GPR39: variants seen among roughly 807,000 people sequenced by gnomAD.
GPR39 encodes G protein-coupled receptor 39.
GPR39 carries 23 observed loss-of-function variants against 18.4 expected under a neutral mutation model. The ratio of observed to expected loss-of-function variants is 1.25; its 90% CI spans 0.90 to 1.77. The LOEUF (loss-of-function observed/expected upper bound fraction) is 1.77, where lower values mean the gene tolerates loss of function less well. Ranked by LOEUF, GPR39 falls within the 40% of genes most tolerant of loss-of-function variation. The pLI is 0.00. For synonymous variants in GPR39, 280 were observed against 257.9 expected (o/e 1.09, Z -0.82); for missense variants, 647 against 602.4 (o/e 1.07, Z -0.78).
intron 1 of GPR39, among the ~76,000 whole-genome samples, chr2:132,513,581 T>C (rs1375687806): frequency 6.6e-6 from 1 of 152,224 alleles, no homozygotes; most frequent in Admixed American, 6.5e-5. Context: ...CACTGACAAA[T>C]GCAAAAGCGC....
chr2:132,593,432 C>T (rs1680880780), intron 1 of GPR39, among the ~76,000 whole-genome samples: 1 of 152,128 alleles, frequency 6.6e-6, no homozygotes, highest in African/African-American at 2.4e-5. Context: ...TGAGTCACTT[C>T]ATTGGCATAC....
chr2:132,448,454 T>C (rs1195861871), intron 1 of GPR39, among the ~76,000 whole-genome samples: 1 of 152,210 alleles, frequency 6.6e-6, no homozygotes, highest in Non-Finnish European at 1.5e-5. Context: ...TCCATGGAAA[T>C]GTGTTTCATG....
At position 132,417,106 on chromosome 2, in the gene GPR39, G is replaced by A. The variant is rs530449039; in HGVS notation, c.64G>A (p.Glu22Lys). ...SQIIDHSHVPEFEVATWIKIT... is the reference protein window; with the variant it reads ...SQIIDHSHVPKFEVATWIKIT... ...AATCATTGATCACAGTCATGTCCCCGAGTTTGAGGTGGCCACCTGGATCAA... is the reference window on the plus strand; with the variant it reads ...AATCATTGATCACAGTCATGTCCCCAAGTTTGAGGTGGCCACCTGGATCAA... The change falls in exon 1 of 2, where the codon GAG (glutamate) becomes AAG (lysine). Residue 22 changes from glutamate to lysine, a missense_variant. Coordinates refer to ENST00000329321, the MANE Select transcript of GPR39 (RefSeq NM_001508.3). The A allele has an allele frequency of 1.9e-6, 3 of 1,614,130 alleles. No homozygotes were observed. Among genetic ancestry groups the A allele is most frequent in the Admixed American group, 3.3e-5 (2 of 60,018 alleles).
chr2:132,470,851 C>A (rs1037495970), intron 1 of GPR39, among the ~76,000 whole-genome samples: 1 of 152,116 alleles, frequency 6.6e-6, no homozygotes, highest in Non-Finnish European at 1.5e-5. Context: ...CCCCACCTGA[C>A]ACTGTTTCTG....
intron 1 of GPR39, among the ~76,000 whole-genome samples, chr2:132,451,012 A>G (rs1333383946): frequency 6.6e-6 from 1 of 152,184 alleles, no homozygotes; most frequent in African/African-American, 2.4e-5. Flanking sequence ...GCCAGAGGAA[A>G]AGGGCTGGTG....
intron 1 of GPR39, among the ~76,000 whole-genome samples, chr2:132,579,100 T>C (rs1393054984): frequency 6.6e-6 from 1 of 151,912 alleles, no homozygotes; most frequent in Non-Finnish European, 1.5e-5. Flanking sequence ...ATGCTTTCAG[T>C]ACTATAAGTT....
At chr2:132,495,828 A>G (rs1387984026) in intron 1 of GPR39, among the ~76,000 whole-genome samples, 1 of 142,794 alleles carries the variant, frequency 7.0e-6, no homozygotes, top group Non-Finnish European at 1.5e-5. Flanking sequence ...TCCCCTTCTC[A>G]CCCCTCCCCT....
chr2:132,526,704 T>C (rs1193234657), intron 1 of GPR39, among the ~76,000 whole-genome samples: 1 of 152,084 alleles, frequency 6.6e-6, no homozygotes, highest in Non-Finnish European at 1.5e-5. Context: ...ATGTCCGTGG[T>C]GTGTAGGGAA....
At chr2:132,454,524 T>C (rs1039775406) in intron 1 of GPR39, among the ~76,000 whole-genome samples, 4 of 152,214 alleles carry the variant, frequency 2.6e-5, no homozygotes, top group African/African-American at 9.6e-5. Context: ...CTATGTTGAA[T>C]AGGAGTGGTG....
At position 132,417,061 on chromosome 2, in the gene GPR39, C is replaced by G; in HGVS notation, c.19C>G (p.Pro7Ala). The G allele has an allele frequency of 6.2e-7, 1 of 1,613,972 alleles. No homozygotes were observed. The highest frequency in any genetic ancestry group is 8.5e-7 in the Non-Finnish European group (1 of 1,179,902). Residue 7 changes from proline to alanine, a missense_variant, in exon 1 of 2, where the codon CCG (proline) becomes GCG (alanine). By Grantham distance (27) the Pro-to-Ala change is conservative (BLOSUM62 -1). Coordinates refer to ENST00000329321, the MANE Select transcript of GPR39 (RefSeq NM_001508.3). ...CTTTCTCATGGCTTCACCCAGCCTC[C>G]CGGGCAGTGACTGCTCCCAAATCAT... Reference protein sequence around the residue: MASPSLPGSDCSQIIDH... With the variant: MASPSLAGSDCSQIIDH...
chr2:132,645,122 C>T lies in GPR39; in HGVS notation c.878C>T (p.Ala293Val), dbSNP rs778485409. Residue 293 changes from alanine (A) to valine (V), a missense_variant, in exon 2 of 2, where the codon GCC becomes GTC. Ala to Val is a moderately conservative substitution (Grantham distance 64). Transcript: ENST00000329321. ...IFLRLIVVTLAVCWMPNQIRR... is the reference protein window; with the variant it reads ...IFLRLIVVTLVVCWMPNQIRR... ...CCAGGGCTGATTGTTGTGACATTGGCCGTATGCTGGATGCCCAACCAGATT... is the reference window on the plus strand; with the variant it reads ...CCAGGGCTGATTGTTGTGACATTGGTCGTATGCTGGATGCCCAACCAGATT... The T allele has an allele frequency of 1.9e-6, 3 of 1,613,148 alleles. No individual in the cohort carries two copies. The highest frequency in any genetic ancestry group is 2.5e-6 in the Non-Finnish European group (3 of 1,179,542).
At chr2:132,605,793 A>G (rs1681126671) in intron 1 of GPR39, among the ~76,000 whole-genome samples, 1 of 152,218 alleles carries the variant, frequency 6.6e-6, no homozygotes, top group Non-Finnish European at 1.5e-5. Context: ...ACATTTAAAT[A>G]AGAGAGACAT....
chr2:132,419,881 A>G (rs1679976250), intron 1 of GPR39, among the ~76,000 whole-genome samples: 1 of 152,218 alleles, frequency 6.6e-6, no homozygotes, highest in Non-Finnish European at 1.5e-5. Flanking sequence ...TCATTGATTT[A>G]TCGTTACTCT....
chr2:132,485,975 G>A (rs1681330132), intron 1 of GPR39, among the ~76,000 whole-genome samples: 1 of 152,170 alleles, frequency 6.6e-6, no homozygotes, highest in Non-Finnish European at 1.5e-5. Flanking sequence ...CTTATGAGAA[G>A]TATTTCTTAA....
intron 1 of GPR39, among the ~76,000 whole-genome samples, chr2:132,568,176 G>T (rs551383085): frequency 6.6e-6 from 1 of 152,198 alleles, no homozygotes; most frequent in African/African-American, 2.4e-5. Context: ...GGTTAAGATA[G>T]GGCAAACAAT....
intron 1 of GPR39, among the ~76,000 whole-genome samples, chr2:132,458,896 CTT>C (rs35434967): frequency 0.5 from 75,927 of 151,904 alleles, 20,774 homozygotes; most frequent in Non-Finnish European, 0.62. Flanking sequence ...TGTGGGAAGA[CTT>C]TTTTTCTGCA....
intron 1 of GPR39, among the ~76,000 whole-genome samples, chr2:132,582,632 A>G (rs889592508): frequency 2.0e-5 from 3 of 152,168 alleles, no homozygotes; most frequent in African/African-American, 7.2e-5. Flanking sequence ...GAGTAAGGTC[A>G]AGGTGCCTGA....
chr2:132,471,246 G>C (rs895395453), intron 1 of GPR39, among the ~76,000 whole-genome samples: 1 of 152,100 alleles, frequency 6.6e-6, no homozygotes, highest in Non-Finnish European at 1.5e-5. Context: ...GATGAGAATA[G>C]TCCATCCAGT....
chr2:132,595,472 C>T (rs573768184), intron 1 of GPR39, among the ~76,000 whole-genome samples: 17 of 152,214 alleles, frequency 1.1e-4, no homozygotes, highest in Middle Eastern at 3.4e-3. Flanking sequence ...AGTCCTTGTC[C>T]TGTGTGGCCT....
Sources: allele counts gnomAD v4.1 joint callset (sites outside exome capture counted in the v4.1 genomes callset), GRCh38; gene constraint gnomAD v4.1.1; transcripts MANE v1.5; gene names NCBI Gene and HGNC (gene_info 2026-07-23, HGNC 2026-07-21).